Variants in DMP1 observed in about 807,000 individuals in gnomAD.
DMP1 encodes dentin matrix protein 1.
A neutral mutation model predicts 14.6 loss-of-function variants in DMP1; 20 were observed. The observed-to-expected ratio is 1.37, with a 90% CI of 0.96 to 1.99. DMP1 has a LOEUF of 1.99. DMP1 is among the 30% of genes most tolerant of loss of function. The pLI, the probability that DMP1 is intolerant of heterozygous loss-of-function variation, is 0.00. For synonymous variants in DMP1, 197 were observed against 215.3 expected, an observed-to-expected ratio of 0.91 and a Z score of 0.75; for missense variants, 567 against 620.5, an observed-to-expected ratio of 0.91 and a Z score of 0.92.
rs758946146 is a variant in DMP1 at position 87,662,995 on chromosome 4, G to A, written c.1217G>A (p.Ser406Asn). ...KSESREEQAD[S>N]ESSESLNFSE... ...GAATCCAGAGAGGAGCAAGCAGACAGCGAATCCAGTGAGAGCCTCAACTTC... is the reference window on the plus strand; with the variant it reads ...GAATCCAGAGAGGAGCAAGCAGACAACGAATCCAGTGAGAGCCTCAACTTC... The change falls in exon 6 of 6, where the codon AGC becomes AAC. Residue 406 changes from serine to asparagine, a missense_variant. Coordinates refer to ENST00000339673, the MANE Select transcript of DMP1 (RefSeq NM_004407.4). 1.9e-6 allele frequency: 3 copies of A among 1,614,198 alleles called. No homozygotes were observed. In the South Asian group the frequency reaches 3.3e-5, roughly 18 times the overall value.
intron 3 of DMP1, chr4:87,657,295 T>C (rs765550566): frequency 1.1e-5 from 5 of 437,224 alleles, no homozygotes; most frequent in Non-Finnish European, 2.1e-5. Flanking sequence ...CTTCTTATAA[T>C]GGATGTGTAT....
At chr4:87,659,520 A>G in intron 5 of DMP1, 42 bp downstream of exon 5, 1 of 1,545,462 alleles carries the variant, frequency 6.5e-7, no homozygotes, top group Non-Finnish European at 8.9e-7. Flanking sequence ...GCTACTTAGG[A>G]ATGGAAGGAA....
At chr4:87,659,361 G>A in intron 4 of DMP1, 70 bp from the exon 5 acceptor site, 1 of 1,596,148 alleles carries the variant, frequency 6.3e-7, no homozygotes, top group Non-Finnish European at 8.6e-7. Context: ...GGAAGCAATT[G>A]ATGTGTATCA....
In DMP1 at chr4:87,657,049, T is replaced by C. The variant is rs1475878690; in HGVS notation, c.72T>C (p.Asn24=). The part of the protein sequence containing the change: ...SCALPVTRYQ[N]NESEDSEEWK... ...TTTTCTAGGTAACCAGGTATCAAAA[T>C]AATGAATCTGAGGATTCTGAAGAAT... is the stretch of plus-strand genomic sequence containing the variant. The change falls in exon 3 of 6, where the codon AAT becomes AAC. Residue 24 remains asparagine, a synonymous_variant. Coordinates refer to ENST00000339673, the MANE Select transcript of DMP1 (RefSeq NM_004407.4). 4 of 1,558,638 alleles carry C rather than the reference T, an allele frequency of 2.6e-6. No homozygotes were observed. The highest frequency in any genetic ancestry group is 3.5e-6 in the Non-Finnish European group (4 of 1,130,042).
intron 3 of DMP1, 61 bp downstream of exon 3, chr4:87,657,140 AT>A (rs1273344731): frequency 1.9e-5 from 18 of 937,678 alleles, no homozygotes; most frequent in Non-Finnish European, 2.9e-5. Context: ...GTATAACCAA[AT>A]TGATTTCATT....
chr4:87,658,615 T>C (rs1728767179), intron 3 of DMP1, among the ~76,000 whole-genome samples: 1 of 152,264 alleles, frequency 6.6e-6, no homozygotes, highest in Admixed American at 6.5e-5. Context: ...ATAAATAGTT[T>C]TCGAGATACT....
chr4:87,659,224 AT>A lies in DMP1; in HGVS notation c.110del (p.Leu37TrpfsTer51), dbSNP rs766952865. 6.2e-7 allele frequency: 1 copy of A among 1,613,992 alleles called. No individual in the cohort carries two copies. Among genetic ancestry groups the A allele is most frequent in the Non-Finnish European group, 8.5e-7 (1 of 1,179,954 alleles). On this transcript the variant is annotated frameshift_variant, in exon 4 of 6. Coordinates refer to ENST00000339673, the MANE Select transcript of DMP1 (RefSeq NM_004407.4). LOFTEE classifies it high-confidence loss of function. Reference protein sequence around the residue: ...ESEDSEEWKGHLAQAPTPPLE... With the variant: ...ESEDSEEWKGXLAQAPTPPLE... ...CCTTCCTTTCCTTTTTTGCAGGGTC[AT>A]TTGGCTCAGGCACCAACACCACCCT...
intron 4 of DMP1, 48 bp from the exon 5 acceptor site, chr4:87,659,383 T>A (rs1442015480): frequency 1.9e-6 from 3 of 1,608,850 alleles, no homozygotes; most frequent in African/African-American, 1.3e-5. Context: ...GTTTTTTTCT[T>A]TCCTAAGGAA....
At chr4:87,654,999 C>A (rs1728645503) in intron 1 of DMP1, among the ~76,000 whole-genome samples, 1 of 152,112 alleles carries the variant, frequency 6.6e-6, no homozygotes, top group South Asian at 2.1e-4. Flanking sequence ...GGTATGTAGC[C>A]TTTTATCCTT....
intron 5 of DMP1, among the ~76,000 whole-genome samples, chr4:87,661,173 G>A (rs1031586320): frequency 6.9e-6 from 1 of 144,008 alleles, no homozygotes; most frequent in Admixed American, 7.1e-5. Flanking sequence ...AAGTAACTGG[G>A]ACTACAGGTT....
chr4:87,661,929 A>C, intron 5 of DMP1, 33 bp from the exon 6 acceptor site: 1 of 1,614,152 alleles, frequency 6.2e-7, no homozygotes, highest in Non-Finnish European at 8.5e-7. Flanking sequence ...GGTTCCTGGA[A>C]TACTGACCAT....
chr4:87,657,249 A>G (rs1467346751), intron 3 of DMP1, 170 bp downstream of exon 3: 1 of 529,326 alleles, frequency 1.9e-6, no homozygotes, highest in East Asian at 3.1e-5. Context: ...ACTTAGTAGT[A>G]TACTCTGGCA....
At chr4:87,655,285 T>G (rs1728653538) in intron 1 of DMP1, among the ~76,000 whole-genome samples, 1 of 152,218 alleles carries the variant, frequency 6.6e-6, no homozygotes, top group Non-Finnish European at 1.5e-5. Flanking sequence ...ACCATTTCAA[T>G]AAATTTTTAC....
intron 4 of DMP1, 47 bp downstream of exon 4, chr4:87,659,299 T>G: frequency 1.2e-6 from 2 of 1,608,410 alleles, no homozygotes; most frequent in Non-Finnish European, 1.7e-6. Context: ...TGAAGTAACT[T>G]TAACACTCTT....
rs1290917930 is a variant in DMP1, at chr4:87,662,174, C to T, written c.396C>T (p.Ser132=). Residue 132 remains serine, a synonymous_variant, in exon 6 of 6, where the codon TCC becomes TCT. Transcript: ENST00000339673. Reference sequence around the variant, plus strand: ...AAGACAGACAAGAAGGAGGAAACTCCAGACTGGGAAGTGATGAGGACTCTG... The same window carrying T: ...AAGACAGACAAGAAGGAGGAAACTCTAGACTGGGAAGTGATGAGGACTCTG... ...GPKDRQEGGN[S]RLGSDEDSDD... The T allele has an allele frequency of 1.2e-6, 2 of 1,614,212 alleles. No homozygotes were observed. The highest frequency in any genetic ancestry group is 1.1e-5 in the South Asian group (1 of 91,092).
Position 87,662,580 on chromosome 4 carries a change from T to A in DMP1, c.802T>A (p.Phe268Ile). 1 of 1,614,010 alleles carries A rather than the reference T, an allele frequency of 6.2e-7. No individual in the cohort carries two copies. Among genetic ancestry groups the A allele is most frequent in the Non-Finnish European group, 8.5e-7 (1 of 1,179,996 alleles). ...QLLEHPSRKIFRKSRISEEDD... is the reference protein window; with the variant it reads ...QLLEHPSRKIIRKSRISEEDD... Reference sequence around the variant, plus strand: ...GCTGGAGCATCCCAGTAGGAAAATTTTTAGGAAGTCTCGCATCTCAGAGGA... The same window carrying A: ...GCTGGAGCATCCCAGTAGGAAAATTATTAGGAAGTCTCGCATCTCAGAGGA... Residue 268 changes from phenylalanine to isoleucine, a missense_variant, in exon 6 of 6, where the codon TTT becomes ATT. Phe to Ile is a conservative substitution (Grantham distance 21). Coordinates refer to ENST00000339673, the MANE Select transcript of DMP1 (RefSeq NM_004407.4).
chr4:87,656,595 C>T, intron 2 of DMP1, 49 bp downstream of exon 2: 1 of 1,295,900 alleles, frequency 7.7e-7, no homozygotes, highest in Non-Finnish European at 1.1e-6. Flanking sequence ...ATACTTAAAA[C>T]TCCACAATTT....
rs369626347 is a variant in DMP1, at chr4:87,656,564, G to A, written c.54+18G>A. 6.4e-6 allele frequency: 10 copies of A among 1,569,850 alleles called. No individual in the cohort carries two copies. The highest frequency in any genetic ancestry group is 8.8e-6 in the Non-Finnish European group (10 of 1,140,028). ...CTCTCCCAGTAAGTATTAGGGTAGGGATATATGAAAAAACCCTTTCATACT... is the reference window on the plus strand; with the variant it reads ...CTCTCCCAGTAAGTATTAGGGTAGGAATATATGAAAAAACCCTTTCATACT... On this transcript the variant is annotated intron_variant, in intron 2 of 5. Transcript: ENST00000339673.
chr4:87,659,248 C>T lies in DMP1; in HGVS notation c.131C>T (p.Pro44Leu). Residue 44 changes from proline (P) to leucine (L), a missense_variant, in exon 4 of 6, where the codon CCC becomes CTC. Transcript: ENST00000339673. ...CATTTGGCTCAGGCACCAACACCAC[C>T]CTTGGTAACTATCTCATTTACTTTT... is the stretch of plus-strand genomic sequence containing the variant. ...KGHLAQAPTP[P>L]LESSESSEGS... The T allele has an allele frequency of 1.2e-6, 2 of 1,613,990 alleles. No individual in the cohort carries two copies. Among genetic ancestry groups the T allele is most frequent in the Non-Finnish European group, 1.7e-6 (2 of 1,179,944 alleles).
Sources: gnomAD v4.1 joint callset for allele counts (sites outside exome capture counted in the v4.1 genomes callset) on GRCh38, gnomAD v4.1.1 for gene constraint, MANE v1.5 for transcripts, NCBI Gene and HGNC (gene_info 2026-07-23, HGNC 2026-07-21) for gene names.